Variants in SLC12A2 observed in about 807,000 individuals in gnomAD.
The protein encoded by SLC12A2 is solute carrier family 12 member 2.
SLC12A2 carries 67 observed loss-of-function variants against 136.3 expected under a neutral mutation model. The observed-to-expected ratio is 0.49, with a 90% CI of 0.40 to 0.60. The LOEUF is 0.60. SLC12A2 is among the 20% of genes least tolerant of loss of function. SLC12A2 has a pLI of 0.00. For missense variants in SLC12A2, 1,322 were observed against 1,534.7 expected (o/e 0.86, Z 2.32); for synonymous variants, 619 against 562.9 (o/e 1.10, Z -1.41).
At chr5:128,163,232 C>CT (rs1763100678) in intron 17 of SLC12A2, among the ~76,000 whole-genome samples, 1 of 151,984 alleles carries the variant, frequency 6.6e-6, no homozygotes. Context: ...GTGAAGAAGG[C>CT]TATATGAAAC....
intron 4 of SLC12A2, among the ~76,000 whole-genome samples, chr5:128,126,132 A>T (rs1297948265): frequency 3.3e-5 from 5 of 152,076 alleles, no homozygotes; most frequent in Non-Finnish European, 5.9e-5. Flanking sequence ...GATCTTTAGC[A>T]TTTTCATATA....
At chr5:128,107,314 T>G (rs1760976679) in intron 1 of SLC12A2, among the ~76,000 whole-genome samples, 1 of 152,216 alleles carries the variant, frequency 6.6e-6, no homozygotes. Context: ...GAATTATACT[T>G]TAAGTTCTAG....
chr5:128,184,927 A>G, intron 26 of SLC12A2, 71 bp downstream of exon 26: 1 of 1,333,498 alleles, frequency 7.5e-7, no homozygotes, highest in East Asian at 2.3e-5. Flanking sequence ...TTCTATTCCA[A>G]GTACATATCT....
intron 1 of SLC12A2, among the ~76,000 whole-genome samples, chr5:128,093,304 C>T (rs1330311262): frequency 1.3e-5 from 2 of 152,218 alleles, no homozygotes; most frequent in African/African-American, 4.8e-5. Context: ...TGAACATCCT[C>T]AAGGCTTTAT....
chr5:128,186,461 GT>G (rs11382084), intron 26 of SLC12A2, 34 bp from the exon 27 acceptor site: 1,670 of 1,314,656 alleles, frequency 1.3e-3, no homozygotes, highest in South Asian at 4.3e-3. Context: ...ATTGCTCAGG[GT>G]TTTTTTTTTT....
At chr5:128,123,345 A>T (rs1456312742) in intron 4 of SLC12A2, among the ~76,000 whole-genome samples, 2 of 152,150 alleles carry the variant, frequency 1.3e-5, no homozygotes, top group Non-Finnish European at 2.9e-5. Flanking sequence ...TTTTATTTGT[A>T]AACCAGGATA....
chr5:128,135,937 A>G lies in SLC12A2; in HGVS notation c.1408+129A>G. 4 of 667,472 alleles carry G rather than the reference A, an allele frequency of 6.0e-6. No homozygotes were observed. In the South Asian group the frequency reaches 6.9e-5, roughly 11 times the overall value. 41.3% of individuals were successfully genotyped at this position (667,472 alleles called of 1,614,324 possible). ...GGTTTGGTGATTCACCCTAATTTAC[A>G]ATTTAGTTTTGTCCCCTTTATGCTG... is the stretch of plus-strand genomic sequence containing the variant. On this transcript the variant is annotated intron_variant, in intron 7 of 26. Transcript: ENST00000262461.
intron 17 of SLC12A2, among the ~76,000 whole-genome samples, chr5:128,164,343 A>C (rs1267630272): frequency 2.0e-5 from 3 of 152,206 alleles, no homozygotes; most frequent in Non-Finnish European, 4.4e-5. Flanking sequence ...GATTACTTTC[A>C]TCCACCTAAT....
At chr5:128,139,206 A>G (rs1276038057) in intron 9 of SLC12A2, among the ~76,000 whole-genome samples, 1 of 152,114 alleles carries the variant, frequency 6.6e-6, no homozygotes, top group Non-Finnish European at 1.5e-5. Flanking sequence ...ACTGAAAACA[A>G]TGTATGTGTA....
chr5:128,173,271 T>G (rs1044335851), intron 19 of SLC12A2, among the ~76,000 whole-genome samples: 8 of 152,344 alleles, frequency 5.3e-5, no homozygotes, highest in Admixed American at 2.6e-4. Context: ...GGAGTAGGTT[T>G]GGCAAAATAC....
rs1283060816 is a variant in SLC12A2, at chr5:128,112,917, G to T, written c.860G>T (p.Trp287Leu). The change falls in exon 2 of 27, where the codon TGG becomes TTG. Residue 287 changes from tryptophan to leucine, a missense_variant. Trp to Leu is a moderately conservative substitution (Grantham distance 61). This residue lies in a region of SLC12A2 where 59 missense variants were observed against 51.5 expected (regional missense o/e 1.15). Transcript: ENST00000262461. The part of the protein sequence containing the change: ...AESKGVVKFG[W>L]IKGVLVRCML... ...AGTAAAGGAGTCGTGAAGTTTGGCTGGATCAAGGGTGTATTAGTATGTATA... is the reference window on the plus strand; with the variant it reads ...AGTAAAGGAGTCGTGAAGTTTGGCTTGATCAAGGGTGTATTAGTATGTATA... 5.6e-6 allele frequency: 9 copies of T among 1,611,324 alleles called. No homozygotes were observed. The highest frequency in any genetic ancestry group is 6.8e-6 in the Non-Finnish European group (8 of 1,178,782).
intron 6 of SLC12A2, among the ~76,000 whole-genome samples, chr5:128,134,891 A>G (rs1460351488): frequency 2.0e-5 from 3 of 152,246 alleles, no homozygotes; most frequent in Non-Finnish European, 4.4e-5. Flanking sequence ...TTTGTGCTAT[A>G]TATGATATGA....
chr5:128,117,474 T>C (rs927042052), intron 4 of SLC12A2, among the ~76,000 whole-genome samples: 8 of 152,194 alleles, frequency 5.3e-5, no homozygotes, highest in Non-Finnish European at 1.2e-4. Context: ...AAGGTTTCTT[T>C]CCTCAACTCA....
At chr5:128,115,612 A>C (rs1210465541) in intron 4 of SLC12A2, among the ~76,000 whole-genome samples, 1 of 151,964 alleles carries the variant, frequency 6.6e-6, no homozygotes, top group East Asian at 1.9e-4. Flanking sequence ...CCAAATCAAA[A>C]CTCTTCAGTC....
At chr5:128,131,855 A>ATTAG (rs1762034679) in intron 5 of SLC12A2, among the ~76,000 whole-genome samples, 1 of 152,036 alleles carries the variant, frequency 6.6e-6, no homozygotes, top group Non-Finnish European at 1.5e-5. Flanking sequence ...AAAATAAAAA[A>ATTAG]TTAGCCTGGT....
At chr5:128,117,122 C>T (rs906062835) in intron 4 of SLC12A2, among the ~76,000 whole-genome samples, 1 of 152,108 alleles carries the variant, frequency 6.6e-6, no homozygotes, top group Non-Finnish European at 1.5e-5. Context: ...TTGTGTATTT[C>T]CACTCAAAAG....
chr5:128,097,540 C>T (rs1760589251), intron 1 of SLC12A2, among the ~76,000 whole-genome samples: 1 of 151,866 alleles, frequency 6.6e-6, no homozygotes, highest in South Asian at 2.1e-4. Context: ...TCTTTCCTGC[C>T]ATTTTTTGTG....
chr5:128,133,193 A>C (rs1762084988), intron 5 of SLC12A2, among the ~76,000 whole-genome samples: 3 of 152,150 alleles, frequency 2.0e-5, no homozygotes, highest in African/African-American at 7.2e-5. Flanking sequence ...GCAAAGTAAA[A>C]AGTATGTAGC....
intron 4 of SLC12A2, among the ~76,000 whole-genome samples, chr5:128,128,580 C>G (rs192003609): frequency 6.6e-6 from 1 of 152,028 alleles, no homozygotes; most frequent in Admixed American, 6.5e-5. Context: ...GCAATTAAGT[C>G]AAGGAGACCT....
Sources: gnomAD v4.1 joint callset for allele counts (sites outside exome capture counted in the v4.1 genomes callset) on GRCh38, gnomAD v4.1.1 for gene constraint, gnomAD v4.1.1 regional missense constraint, MANE v1.5 for transcripts, NCBI Gene and HGNC (gene_info 2026-07-23, HGNC 2026-07-21) for gene names.